Variants in SVIL observed in about 807,000 individuals in gnomAD.
SVIL encodes the protein archvillin.
A neutral mutation model predicts 240.4 loss-of-function variants in SVIL; 101 were observed. The observed-to-expected ratio is 0.42, with a 90% CI of 0.36 to 0.50. The LOEUF (loss-of-function observed/expected upper bound fraction) is 0.50, where lower values mean the gene tolerates loss of function less well. SVIL is among the 20% of genes least tolerant of loss of function. The pLI, the probability that SVIL is intolerant of heterozygous loss-of-function variation, is 0.01. For synonymous variants in SVIL, 999 were observed against 1,100.0 expected (o/e 0.91, Z 1.82); for missense variants, 2,512 against 2,818.7 (o/e 0.89, Z 2.46).
intron 5 of SVIL, among the ~76,000 whole-genome samples, chr10:29,554,165 G>A (rs1953671774): frequency 6.6e-6 from 1 of 152,092 alleles, no homozygotes; most frequent in South Asian, 2.1e-4. Context: ...CTATTTAATA[G>A]CCAGGCATGG....
At chr10:29,486,011 T>C in intron 26 of SVIL, 74 bp downstream of exon 26, 1 of 1,562,542 alleles carries the variant, frequency 6.4e-7, no homozygotes, top group East Asian at 2.2e-5. Context: ...ACTTACTCTC[T>C]AATCTATTGG....
chr10:29,497,939 G>A (rs1010394690), intron 18 of SVIL, among the ~76,000 whole-genome samples: 3 of 151,120 alleles, frequency 2.0e-5, no homozygotes, highest in African/African-American at 7.3e-5. Context: ...AAAATTAGCT[G>A]GGCATGGTGG....
intron 3 of SVIL, among the ~76,000 whole-genome samples, chr10:29,645,609 C>T (rs774607470): frequency 8.6e-5 from 13 of 151,912 alleles, no homozygotes; most frequent in East Asian, 1.9e-4. Context: ...GCGCTCCAAG[C>T]GAGATAAAAT....
intron 3 of SVIL, among the ~76,000 whole-genome samples, chr10:29,562,747 C>A (rs1387527060): frequency 1.6e-5 from 2 of 128,462 alleles, no homozygotes; most frequent in Non-Finnish European, 1.6e-5. Context: ...GGCGACAGAG[C>A]GAGACTCCGT....
chr10:29,706,281 G>A (rs965313131), intron 1 of SVIL, among the ~76,000 whole-genome samples: 5 of 152,208 alleles, frequency 3.3e-5, no homozygotes, highest in Admixed American at 6.5e-5. Context: ...CACCAACAGT[G>A]TAAAAGCATT....
chr10:29,589,981 G>A (rs533746798), intron 1 of SVIL, among the ~76,000 whole-genome samples: 8 of 151,666 alleles, frequency 5.3e-5, no homozygotes, highest in African/African-American at 1.9e-4. Flanking sequence ...GCCTGGCCAA[G>A]ATGGTGAAAC....
At chr10:29,625,607 G>C (rs896269468) in intron 1 of SVIL, among the ~76,000 whole-genome samples, 4 of 152,076 alleles carry the variant, frequency 2.6e-5, no homozygotes, top group African/African-American at 9.7e-5. Context: ...GGGACTACAG[G>C]TGCCCACCAC....
intron 10 of SVIL, 103 bp from the exon 11 acceptor site, chr10:29,530,771 A>G: frequency 1.6e-6 from 2 of 1,213,422 alleles, no homozygotes; most frequent in Non-Finnish European, 2.4e-6. Context: ...GAATACAACA[A>G]TAGGTGCACT....
chr10:29,553,018 G>A (rs987775919), intron 5 of SVIL, among the ~76,000 whole-genome samples: 4 of 151,480 alleles, frequency 2.6e-5, no homozygotes, highest in South Asian at 2.1e-4. Flanking sequence ...GAGTCTGGCC[G>A]TGTTGTCCAG....
Position 29,533,391 on chromosome 10 carries a change from A to T in SVIL, c.976T>A (p.Ser326Thr). 1 of 1,613,762 alleles carries T rather than the reference A, an allele frequency of 6.2e-7. No individual in the cohort carries two copies. Among genetic ancestry groups the T allele is most frequent in the South Asian group, 1.1e-5 (1 of 91,060 alleles). Reference protein sequence around the residue: ...ARNSPELASESVTQRRHQPAP... With the variant: ...ARNSPELASETVTQRRHQPAP... ...GGCTGGTGTCTCCTCTGAGTTACGG[A>T]CTCTGAGGCGAGTTCAGGGCTGTTT... The change falls in exon 8 of 38, where the codon TCC (serine) becomes ACC (threonine). Residue 326 changes from serine to threonine, a missense_variant. Ser to Thr is a moderately conservative substitution (Grantham distance 58). Transcript: ENST00000355867.
At chr10:29,498,068 C>T (rs1459279669) in intron 18 of SVIL, among the ~76,000 whole-genome samples, 19 of 105,948 alleles carry the variant, frequency 1.8e-4, no homozygotes, top group Non-Finnish European at 1.2e-4. Context: ...GGAGACAGAG[C>T]GAGATTCTGT....
intron 2 of SVIL, among the ~76,000 whole-genome samples, chr10:29,674,603 C>T (rs1362643195): frequency 6.6e-6 from 1 of 152,130 alleles, no homozygotes; most frequent in Non-Finnish European, 1.5e-5. Context: ...ATTTCCAAAC[C>T]AGAGACAGGT....
At chr10:29,582,150 A>T (rs1955970198) in intron 1 of SVIL, among the ~76,000 whole-genome samples, 1 of 152,220 alleles carries the variant, frequency 6.6e-6, no homozygotes, top group Non-Finnish European at 1.5e-5. Context: ...ATGGCTGCAC[A>T]CTGTGAGCGA....
At chr10:29,646,830 G>A (rs77720963) in intron 3 of SVIL, among the ~76,000 whole-genome samples, 1 of 152,148 alleles carries the variant, frequency 6.6e-6, no homozygotes, top group African/African-American at 2.4e-5. Context: ...TCTCCATCCA[G>A]GGAGAGGAGA....
At chr10:29,698,231 A>T in intron 1 of SVIL, 3 of 697,676 alleles carry the variant, frequency 4.3e-6, no homozygotes, top group Non-Finnish European at 6.6e-6. Context: ...ACTTTCTAAC[A>T]TCTTTCTGAT....
chr10:29,626,727 C>A, intron 1 of SVIL, among the ~76,000 whole-genome samples: 1 of 152,046 alleles, frequency 6.6e-6, no homozygotes, highest in East Asian at 1.9e-4. Flanking sequence ...CAGAAACTTT[C>A]CAAAATAAAG....
At chr10:29,469,204 A>G (rs1366462279) in intron 32 of SVIL, 1 of 152,124 alleles carries the variant, frequency 6.6e-6, no homozygotes, top group Non-Finnish European at 1.5e-5. Context: ...GCCTTGGGCC[A>G]CCTCAGGGCA....
At chr10:29,696,862 GT>G (rs1962084605) in intron 1 of SVIL, among the ~76,000 whole-genome samples, 3 of 149,644 alleles carry the variant, frequency 2.0e-5, no homozygotes, top group East Asian at 2.1e-4. Flanking sequence ...TGTCCGGGAG[GT>G]GAGGGGCGCC....
intron 3 of SVIL, among the ~76,000 whole-genome samples, chr10:29,651,554 C>G (rs1175223272): frequency 6.6e-6 from 1 of 151,672 alleles, no homozygotes; most frequent in Non-Finnish European, 1.5e-5. Flanking sequence ...CCTGGCTGGC[C>G]ATTCCTTCTC....
Sources: allele counts gnomAD v4.1 joint callset (sites outside exome capture counted in the v4.1 genomes callset), GRCh38; gene constraint gnomAD v4.1.1; transcripts MANE v1.5; gene names NCBI Gene and HGNC (gene_info 2026-07-23, HGNC 2026-07-21).